Variants in CCNY observed in about 807,000 individuals in gnomAD.
CCNY encodes the protein cyclin-Y.
CCNY carries 19 observed loss-of-function variants against 42.8 expected under a neutral mutation model. That is an observed-to-expected ratio of 0.44 (90% CI 0.31 to 0.65). The LOEUF is 0.65. CCNY is among the 30% of genes least tolerant of loss of function. The pLI, the probability that CCNY is intolerant of heterozygous loss-of-function variation, is 0.07. For missense variants in CCNY, 370 were observed against 437.3 expected (o/e 0.85, Z 1.37); for synonymous variants, 165 against 162.7 (o/e 1.01, Z -0.11).
chr10:35,446,524 A>G (rs1488463905), intron 1 of CCNY, among the ~76,000 whole-genome samples: 1 of 152,206 alleles, frequency 6.6e-6, no homozygotes, highest in Non-Finnish European at 1.5e-5. Context: ...GCTTTTAGTA[A>G]AAGTGTGGTA....
At chr10:35,417,059 C>T (rs897089267) in intron 1 of CCNY, among the ~76,000 whole-genome samples, 1 of 152,146 alleles carries the variant, frequency 6.6e-6, no homozygotes, top group African/African-American at 2.4e-5. Context: ...AACACAGAGT[C>T]GAGAGAGGCA....
chr10:35,550,890 GC>G (rs1253327446), intron 7 of CCNY, among the ~76,000 whole-genome samples: 1 of 152,028 alleles, frequency 6.6e-6, no homozygotes, highest in East Asian at 1.9e-4. Flanking sequence ...CAGGTCCCTT[GC>G]CCCTGGCTTT....
rs745532797 is a variant in CCNY at position 35,530,773 on chromosome 10, T to A, written c.579+530T>A. Among the ~76,000 whole-genome samples, 8 of 152,072 alleles carry A rather than the reference T, an allele frequency of 5.3e-5. No individual in the cohort carries two copies. The highest frequency in any genetic ancestry group is 1.0e-4 in the Non-Finnish European group (7 of 68,008). ...GTATATTTTAAGACTCAAGAAAAAATAAAAATTTGTTTTTACAGCTGGGCT... is the reference window on the plus strand; with the variant it reads ...GTATATTTTAAGACTCAAGAAAAAAAAAAAATTTGTTTTTACAGCTGGGCT... On this transcript the variant is annotated intron_variant, in intron 7 of 9. Coordinates refer to ENST00000374704, the MANE Select transcript of CCNY (RefSeq NM_145012.6). The surrounding 1 kb of genome is among the most constrained non-coding windows in gnomAD (Gnocchi z 4.3).
chr10:35,401,936 C>A (rs1837653858), intron 1 of CCNY, among the ~76,000 whole-genome samples: 1 of 152,180 alleles, frequency 6.6e-6, no homozygotes, highest in Non-Finnish European at 1.5e-5. Flanking sequence ...TTTTGTGGAT[C>A]TTCAGTTGCT....
At chr10:35,309,260 T>C (rs1015933602) in intron 3 of CCNY, among the ~76,000 whole-genome samples, 7 of 152,086 alleles carry the variant, frequency 4.6e-5, no homozygotes, top group Non-Finnish European at 8.8e-5. Flanking sequence ...CAAGGAAGAA[T>C]GGCCCTCCAC....
chr10:35,299,951 A>T (rs954418191), intron 3 of CCNY, among the ~76,000 whole-genome samples: 4 of 152,314 alleles, frequency 2.6e-5, no homozygotes, highest in Admixed American at 6.5e-5. Context: ...TACAGAATAC[A>T]TCTTCAGTTT....
At chr10:35,410,540 G>A (rs545794841) in intron 1 of CCNY, among the ~76,000 whole-genome samples, 1 of 152,190 alleles carries the variant, frequency 6.6e-6, no homozygotes, top group Non-Finnish European at 1.5e-5. Flanking sequence ...TTTCCAAAAA[G>A]GGAGGAAAGA....
intron 4 of CCNY, among the ~76,000 whole-genome samples, chr10:35,518,952 GT>G (rs1310975665): frequency 6.8e-6 from 1 of 146,904 alleles, no homozygotes; most frequent in Non-Finnish European, 1.5e-5. Flanking sequence ...GAGGTATACT[GT>G]GGGTATCTGG....
chr10:35,295,670 T>C (rs1398260739), intron 3 of CCNY, among the ~76,000 whole-genome samples: 1 of 152,194 alleles, frequency 6.6e-6, no homozygotes, highest in African/African-American at 2.4e-5. Context: ...GTCTGGCTTA[T>C]TTCTCTTAGC....
intron 3 of CCNY, among the ~76,000 whole-genome samples, chr10:35,285,003 T>C (rs1835337059): frequency 6.6e-6 from 1 of 152,122 alleles, no homozygotes; most frequent in Non-Finnish European, 1.5e-5. Flanking sequence ...TCTAAGTTTG[T>C]TACAGTTTGT....
chr10:35,442,460 C>A (rs1441236858), intron 1 of CCNY, among the ~76,000 whole-genome samples: 2 of 152,184 alleles, frequency 1.3e-5, no homozygotes, highest in Non-Finnish European at 2.9e-5. Flanking sequence ...GAGACTCATA[C>A]AAATTGCCTG....
chr10:35,360,579 G>T (rs1317704007), intron 1 of CCNY, among the ~76,000 whole-genome samples: 1 of 151,888 alleles, frequency 6.6e-6, no homozygotes, highest in Non-Finnish European at 1.5e-5. Flanking sequence ...ACTGTGCTCT[G>T]CCTAAATTTT....
chr10:35,345,588 G>A (rs932015341), intron 1 of CCNY, among the ~76,000 whole-genome samples: 1 of 152,106 alleles, frequency 6.6e-6, no homozygotes, highest in African/African-American at 2.4e-5. Flanking sequence ...TATGAATGTG[G>A]TACTCATATT....
intron 3 of CCNY, among the ~76,000 whole-genome samples, chr10:35,506,602 C>T (rs1454382096): frequency 6.6e-6 from 1 of 152,118 alleles, no homozygotes; most frequent in Middle Eastern, 3.2e-3. Flanking sequence ...TGTAATGAGG[C>T]ACAAAGGAAG....
rs60257114 is a variant in CCNY, at chr10:35,355,678, C to CAAAAAAAAAA, written c.154+18490_154+18499dup. Among the ~76,000 whole-genome samples, 7 of 57,426 alleles carry CAAAAAAAAAA rather than the reference C, an allele frequency of 1.2e-4. 1 individual carries two copies. Among genetic ancestry groups the CAAAAAAAAAA allele is most frequent in the African/African-American group, 5.7e-4 (7 of 12,244 alleles). 37.7% of individuals were successfully genotyped at this position (57,426 alleles called of 152,430 possible). On this transcript the variant is annotated intron_variant, in intron 1 of 9. Coordinates refer to ENST00000374704, the MANE Select transcript of CCNY (RefSeq NM_145012.6). ...GGGCAACAGAGCAAGATACTGTCTC[C>CAAAAAAAAAA]AAAAAAAAAAAAAAAAAAAAAAAAA...
chr10:35,473,378 G>A (rs1229228000), intron 1 of CCNY, among the ~76,000 whole-genome samples: 1 of 152,238 alleles, frequency 6.6e-6, no homozygotes. Flanking sequence ...ACCCAGTAGA[G>A]TAACTATTTA....
At chr10:35,300,838 CTT>C (rs1248719737) in intron 3 of CCNY, among the ~76,000 whole-genome samples, 1 of 151,992 alleles carries the variant, frequency 6.6e-6, no homozygotes. Context: ...GAGTTTTGCT[CTT>C]GTCACCCAGG....
intron 1 of CCNY, among the ~76,000 whole-genome samples, chr10:35,338,417 G>A (rs968053047): frequency 6.6e-6 from 1 of 152,140 alleles, no homozygotes; most frequent in African/African-American, 2.4e-5. Context: ...AGTAAATTAT[G>A]GTTCCATATG....
At chr10:35,544,561 A>G (rs576262800) in intron 7 of CCNY, among the ~76,000 whole-genome samples, 89 of 152,326 alleles carry the variant, frequency 5.8e-4, no homozygotes, top group Non-Finnish European at 9.8e-4. Flanking sequence ...ACGTATGACT[A>G]TACTTCCAAG....
Sources: gnomAD v4.1 joint callset for allele counts (sites outside exome capture counted in the v4.1 genomes callset) on GRCh38, gnomAD v4.1.1 for gene constraint, Gnocchi (gnomAD v3.1) non-coding constraint, MANE v1.5 for transcripts, NCBI Gene and HGNC (gene_info 2026-07-23, HGNC 2026-07-21) for gene names.